Variants in ACSL3 observed in about 807,000 individuals in gnomAD.
The protein encoded by ACSL3 is acyl-CoA synthetase long chain family member 3, also known as fatty acid CoA ligase Acsl3.
In ACSL3, 34 loss-of-function variants were observed where a neutral mutation model predicts 84.7. That is an observed-to-expected ratio of 0.40 (90% CI 0.31 to 0.53). The LOEUF (loss-of-function observed/expected upper bound fraction) is 0.53. ACSL3 is among the 20% of genes least tolerant of loss of function. ACSL3 has a pLI of 0.48. For synonymous variants in ACSL3, 315 were observed against 299.4 expected, an observed-to-expected ratio of 1.05 and a Z score of -0.54; for missense variants, 680 against 873.1, an observed-to-expected ratio of 0.78 and a Z score of 2.79.
At chr2:222,894,228 T>G (rs192055113) in intron 2 of ACSL3, among the ~76,000 whole-genome samples, 2 of 152,352 alleles carry the variant, frequency 1.3e-5, no homozygotes, top group East Asian at 3.9e-4. Context: ...AAGATCTGAA[T>G]AACACAAAAT....
chr2:222,899,524 A>G (rs979364841), intron 2 of ACSL3, among the ~76,000 whole-genome samples: 1 of 152,172 alleles, frequency 6.6e-6, no homozygotes, highest in African/African-American at 2.4e-5. Flanking sequence ...ATGTTACAGG[A>G]CAGGGGTCCT....
intron 10 of ACSL3, 47 bp downstream of exon 10, chr2:222,923,196 C>A: frequency 6.9e-7 from 1 of 1,452,974 alleles, no homozygotes; most frequent in South Asian, 1.1e-5. Flanking sequence ...GAAGTATCAC[C>A]CGCTACAAAG....
At chr2:222,917,976 C>T in intron 5 of ACSL3, 70 bp from the exon 6 acceptor site, 1 of 1,115,668 alleles carries the variant, frequency 9.0e-7, no homozygotes, top group Non-Finnish European at 1.3e-6. Flanking sequence ...TGATTCATCT[C>T]CACATTCAGA....
chr2:222,922,566 C>CTCTG, intron 8 of ACSL3, 142 bp from the exon 9 acceptor site: 2 of 989,926 alleles, frequency 2.0e-6, no homozygotes, highest in South Asian at 1.7e-5. Flanking sequence ...CTCTCTCTCT[C>CTCTG]TCTCACAAAC....
chr2:222,918,405 T>C (rs1335946079), intron 6 of ACSL3, among the ~76,000 whole-genome samples: 1 of 150,172 alleles, frequency 6.7e-6, no homozygotes, highest in Non-Finnish European at 1.5e-5. Flanking sequence ...GACTACTTTT[T>C]CTCTTATTGT....
At chr2:222,874,032 T>A (rs190468517) in intron 1 of ACSL3, among the ~76,000 whole-genome samples, 22 of 152,194 alleles carry the variant, frequency 1.4e-4, no homozygotes, top group Admixed American at 7.9e-4. Flanking sequence ...TTATTTTTAT[T>A]TTTTTTTGAG....
intron 14 of ACSL3, among the ~76,000 whole-genome samples, chr2:222,931,705 T>A (rs1361257910): frequency 2.6e-5 from 4 of 152,224 alleles, no homozygotes; most frequent in Non-Finnish European, 5.9e-5. Context: ...ACATGGATCT[T>A]ACTGGCCACA....
At chr2:222,863,576 T>C (rs1168488420) in intron 1 of ACSL3, among the ~76,000 whole-genome samples, 2 of 152,202 alleles carry the variant, frequency 1.3e-5, no homozygotes, top group African/African-American at 4.8e-5. Flanking sequence ...GACTCTTTTA[T>C]GTGAGATTTG....
In ACSL3 at chr2:222,908,866, C is replaced by G. The variant is rs764077633; in HGVS notation, c.94C>G (p.Leu32Val). The G allele has an allele frequency of 1.2e-6, 2 of 1,607,194 alleles. No individual in the cohort carries two copies. Among genetic ancestry groups the G allele is most frequent in the Admixed American group, 1.7e-5 (1 of 59,556 alleles). The change falls in exon 4 of 17, where the codon CTT becomes GTT. Residue 32 changes from leucine to valine, a missense_variant. By Grantham distance (32) the Leu-to-Val change is conservative. This residue lies in a region of ACSL3 where 333 missense variants were observed against 347.5 expected (regional missense o/e 0.96). Transcript: ENST00000357430. ...LLYFIHFLISLYTILTYIPFY... is the reference protein window; with the variant it reads ...LLYFIHFLISVYTILTYIPFY... ...ATATTTTATACATTTTCTAATATCA[C>G]TTTATACTATTTTAACATACATTCC...
chr2:222,901,943 CA>C (rs765995360), intron 3 of ACSL3, among the ~76,000 whole-genome samples: 6 of 12,390 alleles, frequency 4.8e-4, no homozygotes, highest in African/African-American at 1.3e-3. Flanking sequence ...GACTCGGTCT[CA>C]AAAAAAAAAA....
At chr2:222,877,477 T>G (rs573659595) in intron 1 of ACSL3, among the ~76,000 whole-genome samples, 1 of 152,302 alleles carries the variant, frequency 6.6e-6, no homozygotes, top group South Asian at 2.1e-4. Context: ...ATTCGTAGAT[T>G]TACTTTTTTG....
At chr2:222,941,401 G>T in intron 16 of ACSL3, 96 bp from the exon 17 acceptor site, 1 of 949,964 alleles carries the variant, frequency 1.1e-6, no homozygotes, top group Non-Finnish European at 1.5e-6. Context: ...CTTGTTGGTT[G>T]TGCATTTTGA....
chr2:222,928,652 T>TAA lies in ACSL3; in HGVS notation c.1466-195_1466-194dup, dbSNP rs5838971. Among the ~76,000 whole-genome samples, 787 of 135,034 alleles carry TAA rather than the reference T, an allele frequency of 5.8e-3. 4 individuals carry two copies. The highest frequency in any genetic ancestry group is 0.018 in the Middle Eastern group (5 of 282). The allele number at this position is 135,034 out of a possible 152,430, so 88.6% of individuals were successfully genotyped here. A position where few individuals can be genotyped will look rare whatever the true frequency, so the allele number is the denominator to read the frequency against. On this transcript the variant is annotated intron_variant, in intron 12 of 16. Transcript: ENST00000357430. ...TTTTTAAGAATGACAATAACTAATT[T>TAA]AAAAAAAAAAAAAAAACCTCAATGT...
intron 10 of ACSL3, 113 bp downstream of exon 10, chr2:222,923,262 C>G (rs1696787094): frequency 1.2e-6 from 1 of 867,262 alleles, no homozygotes; most frequent in Non-Finnish European, 1.8e-6. Context: ...AGGATTTATT[C>G]CTTATTGATT....
chr2:222,877,491 A>C (rs542492665), intron 1 of ACSL3, among the ~76,000 whole-genome samples: 10 of 152,248 alleles, frequency 6.6e-5, no homozygotes, highest in African/African-American at 2.4e-4. Context: ...TTTTTTGGTG[A>C]GAAACATCTA....
At position 222,900,941 on chromosome 2, in the gene ACSL3, T is replaced by C. The variant is rs569769669; in HGVS notation, c.-41+161T>C. The stretch of plus-strand genomic sequence containing the variant: ...AAGGGCACAACAGTTCAACTTCGTC[T>C]CCTCCCAGCCCTGCTCTTCTGGTTT... On this transcript the variant is annotated intron_variant, in intron 3 of 16. Transcript: ENST00000357430. Among the ~76,000 whole-genome samples, 79 of 152,330 alleles carry C rather than the reference T, an allele frequency of 5.2e-4. 1 individual carries two copies. Among genetic ancestry groups the C allele is most frequent in the Non-Finnish European group, 1.0e-3 (70 of 68,032 alleles).
rs899099449 is a variant in ACSL3 at position 222,920,807 on chromosome 2, C to T, written c.806-473C>T. On this transcript the variant is annotated intron_variant, in intron 7 of 16. Coordinates refer to ENST00000357430, the MANE Select transcript of ACSL3 (RefSeq NM_004457.5). ...TGACTATTGTTTCTTGCCACTCTTC[C>T]TCTTGCTCACTCTGTTCCAGCCACA... 8.7e-6 allele frequency: 3 copies of T among 344,882 alleles called. No homozygotes were observed. The East Asian group carries it at 2.2e-4, about 26-fold the overall frequency. 21.4% of individuals were successfully genotyped at this position (344,882 alleles called of 1,614,324 possible).
intron 1 of ACSL3, among the ~76,000 whole-genome samples, chr2:222,871,300 T>C (rs1466927167): frequency 6.6e-6 from 1 of 152,078 alleles, no homozygotes; most frequent in Non-Finnish European, 1.5e-5. Context: ...GTTAAAAAAA[T>C]TTATTTTTAA....
rs1697331843 is a variant in ACSL3, at chr2:222,942,262, T to A, written c.*608T>A. 1 of 185,790 alleles carries A rather than the reference T, an allele frequency of 5.4e-6. No homozygotes were observed. 11.5% of individuals were successfully genotyped at this position (185,790 alleles called of 1,614,324 possible). The stretch of plus-strand genomic sequence containing the variant: ...AATATATGCCTGTCAGTGTCTTCTT[T>A]ATATATTTATTTTTTATTAGAAAAA... On this transcript the variant is annotated 3_prime_UTR_variant, in exon 17 of 17. Transcript: ENST00000357430.
Sources: allele counts gnomAD v4.1 joint callset (sites outside exome capture counted in the v4.1 genomes callset), GRCh38; gene constraint gnomAD v4.1.1; regional missense constraint gnomAD v4.1.1; transcripts MANE v1.5; gene names NCBI Gene and HGNC (gene_info 2026-07-23, HGNC 2026-07-21).